The following PTPRD variants were observed in gnomAD, a reference collection of about 807,000 sequenced individuals.
PTPRD encodes protein tyrosine phosphatase receptor type D.
In PTPRD, 34 loss-of-function variants were observed where a neutral mutation model predicts 214.5. The ratio of observed to expected loss-of-function variants is 0.16; its 90% CI spans 0.12 to 0.21. The LOEUF is 0.21. PTPRD is among the 10% of genes least tolerant of loss of function. PTPRD has a pLI of 1.00. For missense variants in PTPRD, 2,545 were observed against 2,398.7 expected, an observed-to-expected ratio of 1.06 and a Z score of -1.27; for synonymous variants, 1,128 against 845.7, an observed-to-expected ratio of 1.33 and a Z score of -5.79.
chr9:8,440,200 T>C (rs1010477338), intron 34 of PTPRD, among the ~76,000 whole-genome samples: 11 of 152,050 alleles, frequency 7.2e-5, no homozygotes, highest in Non-Finnish European at 1.5e-4. Flanking sequence ...ATTAGCAAGC[T>C]TTAGTACTCA....
chr9:8,958,255 C>G (rs2099141898), intron 11 of PTPRD, among the ~76,000 whole-genome samples: 1 of 151,892 alleles, frequency 6.6e-6, no homozygotes, highest in African/African-American at 2.4e-5. Context: ...CTTGCCACTT[C>G]TCTCTCTGTC....
At chr9:9,721,578 G>C (rs535549106) in intron 7 of PTPRD, among the ~76,000 whole-genome samples, 80 of 152,202 alleles carry the variant, frequency 5.3e-4, no homozygotes, top group Middle Eastern at 3.4e-3. Context: ...CCCGCATTTT[G>C]CTAAGATACA....
At position 8,684,376 on chromosome 9, in the gene PTPRD, G is replaced by T. The variant is rs147988252; in HGVS notation, c.65-47532C>A. 1.6e-4 allele frequency among the ~76,000 whole-genome samples: 25 copies of T among 152,136 alleles called. No homozygotes were observed. The East Asian group carries it at 3.9e-3, about 24-fold the overall frequency. On this transcript the variant is annotated intron_variant, in intron 12 of 45. Transcript: ENST00000381196. ...ATACTGGGCTGGGAGAAGCTAATAAGGTGCTCAATGTCACACAGCTGACAA... is the reference window on the plus strand; with the variant it reads ...ATACTGGGCTGGGAGAAGCTAATAATGTGCTCAATGTCACACAGCTGACAA...
chr9:9,912,782 T>A (rs1423686751), intron 5 of PTPRD, among the ~76,000 whole-genome samples: 1 of 152,196 alleles, frequency 6.6e-6, no homozygotes, highest in Non-Finnish European at 1.5e-5. Flanking sequence ...ATGTAAAGAT[T>A]TTTTTTCTTT....
intron 4 of PTPRD, among the ~76,000 whole-genome samples, chr9:9,973,436 C>G (rs920169235): frequency 1.3e-5 from 2 of 151,828 alleles, no homozygotes; most frequent in Non-Finnish European, 2.9e-5. Flanking sequence ...CATGCCATTG[C>G]CTTGCACCCT....
Position 9,769,029 on chromosome 9 carries a change from G to C in PTPRD, c.-367-2178C>G, listed in dbSNP as rs139564881. Among the ~76,000 whole-genome samples, 436 of 152,090 alleles carry C rather than the reference G, an allele frequency of 2.9e-3. 5 individuals are homozygous for C. The highest frequency in any genetic ancestry group is 0.01 in the African/African-American group (419 of 41,482). ...AGTTATAGAACGAAGGAAAGGAGGA[G>C]GCATATTTACTATTTAAGATTGGTT... On this transcript the variant is annotated intron_variant, in intron 5 of 45. Transcript: ENST00000381196.
intron 5 of PTPRD, among the ~76,000 whole-genome samples, chr9:9,812,579 A>T (rs1384420284): frequency 6.6e-6 from 1 of 152,216 alleles, no homozygotes; most frequent in African/African-American, 2.4e-5. Context: ...AAAAGTCACT[A>T]TATAATGATA....
Position 10,233,891 on chromosome 9 carries a change from G to C in PTPRD, c.-545+107072C>G, listed in dbSNP as rs374614793. ...AAGAGGACTCAGGGGCAAATCAAAA[G>C]TTTTACCTTTAATTGGAATCACTGA... On this transcript the variant is annotated intron_variant, in intron 3 of 45. Coordinates refer to ENST00000381196, the MANE Select transcript of PTPRD (RefSeq NM_002839.4). Among the ~76,000 whole-genome samples, 187 of 151,910 alleles carry C rather than the reference G, an allele frequency of 1.2e-3. 3 individuals are homozygous for C. In the South Asian group the frequency reaches 0.036, roughly 29 times the overall value.
At chr9:9,972,784 A>T (rs10115147) in intron 4 of PTPRD, among the ~76,000 whole-genome samples, 2 of 151,832 alleles carry the variant, frequency 1.3e-5, no homozygotes, top group African/African-American at 4.8e-5. Context: ...GGGCATCATT[A>T]CTAGCTTTTG....
intron 8 of PTPRD, among the ~76,000 whole-genome samples, chr9:9,507,069 A>G (rs2096586871): frequency 6.6e-6 from 1 of 151,456 alleles, no homozygotes; most frequent in African/African-American, 2.4e-5. Context: ...AAATGGATGA[A>G]CAAATTATGT....
intron 2 of PTPRD, among the ~76,000 whole-genome samples, chr9:10,468,485 C>T (rs1169507153): frequency 6.6e-6 from 1 of 152,094 alleles, no homozygotes; most frequent in Non-Finnish European, 1.5e-5. Flanking sequence ...GAACATCACA[C>T]ACGGGCCTGT....
intron 4 of PTPRD, among the ~76,000 whole-genome samples, chr9:10,006,643 AT>A (rs1437329840): frequency 6.6e-6 from 1 of 151,948 alleles, no homozygotes; most frequent in Non-Finnish European, 1.5e-5. Flanking sequence ...GTCAGGTATT[AT>A]TTAGTTCCCT....
chr9:9,493,970 C>G (rs1310905611), intron 8 of PTPRD, among the ~76,000 whole-genome samples: 1 of 151,880 alleles, frequency 6.6e-6, no homozygotes, highest in African/African-American at 2.4e-5. Context: ...TGAGAGAAGG[C>G]CAAAATATCA....
chr9:10,195,255 T>C (rs186558279), intron 3 of PTPRD, among the ~76,000 whole-genome samples: 33 of 152,220 alleles, frequency 2.2e-4, no homozygotes, highest in African/African-American at 7.5e-4. Context: ...AACATCTCTA[T>C]GTCTCACTTT....
chr9:8,420,311 G>A (rs1446253898), intron 35 of PTPRD, among the ~76,000 whole-genome samples: 2 of 152,020 alleles, frequency 1.3e-5, no homozygotes, highest in Non-Finnish European at 2.9e-5. Context: ...ATATAAAGCT[G>A]GAAAATTATA....
intron 8 of PTPRD, among the ~76,000 whole-genome samples, chr9:9,474,239 A>G (rs2094852343): frequency 6.6e-6 from 1 of 152,020 alleles, no homozygotes; most frequent in Non-Finnish European, 1.5e-5. Flanking sequence ...TCTTCTTGGT[A>G]CCTCTATAGA....
intron 10 of PTPRD, among the ~76,000 whole-genome samples, chr9:9,124,054 T>C (rs1214346579): frequency 6.6e-6 from 1 of 152,112 alleles, no homozygotes; most frequent in Non-Finnish European, 1.5e-5. Context: ...GCCTAGGAAG[T>C]TAATACCACT....
chr9:9,262,271 G>T (rs189119933), intron 9 of PTPRD, among the ~76,000 whole-genome samples: 1 of 150,826 alleles, frequency 6.6e-6, no homozygotes, highest in Non-Finnish European at 1.5e-5. Flanking sequence ...ACATCAGAAA[G>T]AGTAAAATGA....
At chr9:9,602,126 GACA>G (rs773627056) in intron 7 of PTPRD, among the ~76,000 whole-genome samples, 17 of 151,994 alleles carry the variant, frequency 1.1e-4, no homozygotes, top group Non-Finnish European at 1.9e-4. Context: ...CATAAAAGCA[GACA>G]ACATTGTTCA....
Sources: allele counts gnomAD v4.1 joint callset (sites outside exome capture counted in the v4.1 genomes callset), GRCh38; gene constraint gnomAD v4.1.1; transcripts MANE v1.5; gene names NCBI Gene and HGNC (gene_info 2026-07-23, HGNC 2026-07-21).